The following PALS2 variants were observed in gnomAD, a reference collection of about 807,000 sequenced individuals.
PALS2 encodes protein PALS2.
A neutral mutation model predicts 61.6 loss-of-function variants in PALS2; 27 were observed. The ratio of observed to expected loss-of-function variants is 0.44; its 90% CI spans 0.32 to 0.60. The LOEUF (loss-of-function observed/expected upper bound fraction) is 0.60, where lower values mean the gene tolerates loss of function less well. Ranked by LOEUF, PALS2 falls within the 20% of genes least tolerant of loss-of-function variation. PALS2 has a pLI of 0.05. For synonymous variants in PALS2, 236 were observed against 218.6 expected (o/e 1.08, Z -0.70); for missense variants, 554 against 639.4 (o/e 0.87, Z 1.44).
intron 1 of PALS2, among the ~76,000 whole-genome samples, chr7:24,609,812 G>A (rs780197638): frequency 2.6e-5 from 4 of 151,998 alleles, no homozygotes; most frequent in Non-Finnish European, 5.9e-5. Context: ...CAAAATGTGG[G>A]CTCTTCTATA....
intron 11 of PALS2, 102 bp downstream of exon 11, chr7:24,680,622 G>T: frequency 7.3e-7 from 1 of 1,372,258 alleles, no homozygotes; most frequent in African/African-American, 1.5e-5. Flanking sequence ...TTGAGGCAGA[G>T]TTTTGCTTTG....
At chr7:24,574,851 G>C (rs1228248807) in intron 1 of PALS2, among the ~76,000 whole-genome samples, 1 of 152,078 alleles carries the variant, frequency 6.6e-6, no homozygotes, top group East Asian at 1.9e-4. Context: ...TTAGTAATGC[G>C]GTATATAGTT....
rs1788366331 is a variant in PALS2 at position 24,689,444 on chromosome 7, C to A, written c.*1830C>A. On this transcript the variant is annotated 3_prime_UTR_variant, in exon 12 of 12. Coordinates refer to ENST00000222644, the MANE Select transcript of PALS2 (RefSeq NM_001303037.2). Reference sequence around the variant, plus strand: ...CTCACCAAAGTTGTCATTTGGAACGCCAGCTGGGAGGACTTTGAAGGAAAA... The same window carrying A: ...CTCACCAAAGTTGTCATTTGGAACGACAGCTGGGAGGACTTTGAAGGAAAA... 6.6e-6 allele frequency: 1 copy of A among 152,068 alleles called. No individual in the cohort carries two copies. The highest frequency in any genetic ancestry group is 6.6e-5 in the Admixed American group (1 of 15,262). The allele number at this position is 152,068 out of a possible 1,614,324, so 9.4% of individuals were successfully genotyped here. A position where few individuals can be genotyped will look rare whatever the true frequency, so the allele number is the denominator to read the frequency against.
At chr7:24,651,832 C>A (rs1562642781) in intron 5 of PALS2, among the ~76,000 whole-genome samples, 1 of 152,106 alleles carries the variant, frequency 6.6e-6, no homozygotes, top group Non-Finnish European at 1.5e-5. Context: ...AAGTCTAGTT[C>A]TTACATTTCC....
intron 2 of PALS2, among the ~76,000 whole-genome samples, chr7:24,637,008 G>T (rs560213693): frequency 6.6e-6 from 1 of 152,092 alleles, no homozygotes; most frequent in Non-Finnish European, 1.5e-5. Flanking sequence ...TTATAAAAAG[G>T]TTATTGTGTA....
chr7:24,653,791 A>G (rs1322259450), intron 5 of PALS2, among the ~76,000 whole-genome samples: 1 of 152,214 alleles, frequency 6.6e-6, no homozygotes, highest in African/African-American at 2.4e-5. Flanking sequence ...TAACAATCCC[A>G]GTGTTCAGAC....
intron 8 of PALS2, 67 bp from the exon 9 acceptor site, chr7:24,668,432 G>A: frequency 7.0e-7 from 1 of 1,426,990 alleles, no homozygotes; most frequent in Non-Finnish European, 9.6e-7. Flanking sequence ...TTACTAGACA[G>A]AATTGCAGAG....
intron 9 of PALS2, among the ~76,000 whole-genome samples, chr7:24,676,226 G>GT (rs1161166142): frequency 8.5e-5 from 13 of 152,116 alleles, no homozygotes; most frequent in Admixed American, 2.0e-4. Context: ...GGGGTTGTTT[G>GT]TTTTTTTCTT....
intron 10 of PALS2, 24 bp downstream of exon 10, chr7:24,679,357 T>C: frequency 6.2e-7 from 1 of 1,605,180 alleles, no homozygotes; most frequent in Non-Finnish European, 8.5e-7. Context: ...ATTCCAAAGC[T>C]GTTTTATATT....
At chr7:24,657,477 G>A (rs146288465) in intron 5 of PALS2, among the ~76,000 whole-genome samples, 58 of 152,236 alleles carry the variant, frequency 3.8e-4, no homozygotes, top group African/African-American at 1.4e-3. Flanking sequence ...TATTGAACAT[G>A]TTTTTATGTG....
intron 11 of PALS2, among the ~76,000 whole-genome samples, chr7:24,684,457 T>G (rs1280588123): frequency 1.3e-5 from 2 of 152,240 alleles, no homozygotes; most frequent in Non-Finnish European, 2.9e-5. Context: ...ATGATTCTAG[T>G]AATGTCTGAT....
chr7:24,683,716 G>T (rs1767227205), intron 11 of PALS2, among the ~76,000 whole-genome samples: 1 of 152,096 alleles, frequency 6.6e-6, no homozygotes, highest in Non-Finnish European at 1.5e-5. Context: ...TCACATAGTT[G>T]ATCACTGCTT....
chr7:24,623,589 T>A, intron 1 of PALS2, 77 bp from the exon 2 acceptor site: 1 of 786,666 alleles, frequency 1.3e-6, no homozygotes, highest in East Asian at 2.8e-5. Flanking sequence ...ATAATCTTAC[T>A]CCATAACGGC....
chr7:24,586,384 C>A (rs1783065683), intron 1 of PALS2, among the ~76,000 whole-genome samples: 1 of 152,130 alleles, frequency 6.6e-6, no homozygotes, highest in Non-Finnish European at 1.5e-5. Context: ...TTCAGGGACT[C>A]ATTTTAGCTC....
chr7:24,683,980 C>A (rs1373125075), intron 11 of PALS2, among the ~76,000 whole-genome samples: 1 of 152,124 alleles, frequency 6.6e-6, no homozygotes, highest in African/African-American at 2.4e-5. Flanking sequence ...AGTACAAACA[C>A]AACATTCTGG....
At chr7:24,585,851 A>G (rs556714712) in intron 1 of PALS2, among the ~76,000 whole-genome samples, 6 of 152,182 alleles carry the variant, frequency 3.9e-5, no homozygotes, top group African/African-American at 1.4e-4. Flanking sequence ...GGCGCCCGCC[A>G]CCTGCCTCTG....
intron 1 of PALS2, among the ~76,000 whole-genome samples, chr7:24,595,433 T>C (rs1301681162): frequency 1.2e-4 from 17 of 141,060 alleles, no homozygotes; most frequent in Admixed American, 1.1e-3. Context: ...ATAAAAAATA[T>C]ATAAAATACA....
Position 24,657,635 on chromosome 7 carries a change from T to C in PALS2, c.652-5955T>C, listed in dbSNP as rs184701155. Among the ~76,000 whole-genome samples the C allele has an allele frequency of 2.2e-3, 329 of 152,334 alleles. 2 individuals are homozygous for C. Among genetic ancestry groups the C allele is most frequent in the African/African-American group, 7.7e-3 (320 of 41,578 alleles). On this transcript the variant is annotated intron_variant, in intron 5 of 11. Transcript: ENST00000222644. ...AGAATTGGGATTTGCCAGGACTTTC[T>C]TCCAGTCTCTATCTTGTCTTTTCAT... is the stretch of plus-strand genomic sequence containing the variant.
chr7:24,617,359 T>C (rs1254613734), intron 1 of PALS2, among the ~76,000 whole-genome samples: 10 of 152,234 alleles, frequency 6.6e-5, no homozygotes, highest in African/African-American at 2.4e-4. Flanking sequence ...TTTTGAATTC[T>C]CTTTGTGATA....
Sources: gnomAD v4.1 joint callset for allele counts (sites outside exome capture counted in the v4.1 genomes callset) on GRCh38, gnomAD v4.1.1 for gene constraint, MANE v1.5 for transcripts, NCBI Gene and HGNC (gene_info 2026-07-23, HGNC 2026-07-21) for gene names.